The following ZFAND3 variants were observed in gnomAD, a reference collection of about 807,000 sequenced individuals.
The protein encoded by ZFAND3 is AN1-type zinc finger protein 3.
A neutral mutation model predicts 29.6 loss-of-function variants in ZFAND3; 10 were observed. The ratio of observed to expected loss-of-function variants is 0.34; its 90% CI spans 0.21 to 0.57. The LOEUF (loss-of-function observed/expected upper bound fraction) is 0.57. Among genes scored for constraint, ZFAND3 ranks in the 20% least tolerant of loss-of-function variants. The pLI is 0.86. For synonymous variants in ZFAND3, 128 were observed against 112.6 expected, an observed-to-expected ratio of 1.14 and a Z score of -0.87; for missense variants, 230 against 304.5, an observed-to-expected ratio of 0.76 and a Z score of 1.82.
chr6:37,887,526 A>C (rs1765017402), intron 1 of ZFAND3, among the ~76,000 whole-genome samples: 1 of 152,184 alleles, frequency 6.6e-6, no homozygotes, highest in Admixed American at 6.5e-5. Context: ...AAAAGAAAAA[A>C]ATCCACCCTA....
chr6:38,127,381 A>T (rs1017876753), intron 5 of ZFAND3, among the ~76,000 whole-genome samples: 3 of 152,212 alleles, frequency 2.0e-5, no homozygotes, highest in African/African-American at 7.2e-5. Flanking sequence ...GAGTTTTGCC[A>T]TCCCATAGAC....
intron 2 of ZFAND3, among the ~76,000 whole-genome samples, chr6:37,991,778 G>A (rs1034059854): frequency 1.9e-4 from 29 of 152,114 alleles, no homozygotes; most frequent in Admixed American, 8.5e-4. Flanking sequence ...GTTTTCTTAC[G>A]CTTTTACAGA....
intron 5 of ZFAND3, among the ~76,000 whole-genome samples, chr6:38,133,902 C>T (rs759230755): frequency 1.3e-5 from 2 of 152,174 alleles, no homozygotes; most frequent in African/African-American, 2.4e-5. Flanking sequence ...TTCATATCCC[C>T]AAGCTGGCCC....
chr6:37,917,174 A>G (rs1761275119), intron 1 of ZFAND3, among the ~76,000 whole-genome samples: 1 of 152,200 alleles, frequency 6.6e-6, no homozygotes, highest in South Asian at 2.1e-4. Context: ...CCATGATTTC[A>G]GGCTTCTGCT....
At chr6:38,080,615 A>T (rs575456429) in intron 3 of ZFAND3, among the ~76,000 whole-genome samples, 36 of 152,258 alleles carry the variant, frequency 2.4e-4, no homozygotes, top group African/African-American at 8.4e-4. Context: ...CTTATCCAAG[A>T]TTACTCAGCA....
chr6:37,948,427 T>C (rs1761938601), intron 2 of ZFAND3, among the ~76,000 whole-genome samples: 1 of 152,248 alleles, frequency 6.6e-6, no homozygotes, highest in Admixed American at 6.5e-5. Flanking sequence ...TTTTGGTTAA[T>C]GTTCACCTGG....
chr6:37,990,363 G>T (rs951923748), intron 2 of ZFAND3, among the ~76,000 whole-genome samples: 1 of 152,062 alleles, frequency 6.6e-6, no homozygotes, highest in Non-Finnish European at 1.5e-5. Context: ...TCAAGCCACA[G>T]TTTGCTTTCT....
At chr6:37,852,786 G>GCTC (rs1423222626) in intron 1 of ZFAND3, among the ~76,000 whole-genome samples, 2 of 150,768 alleles carry the variant, frequency 1.3e-5, no homozygotes, top group African/African-American at 4.9e-5. Flanking sequence ...CATGATCTCG[G>GCTC]CTCACTGCAA....
At chr6:37,938,711 G>T (rs1761748624) in intron 2 of ZFAND3, among the ~76,000 whole-genome samples, 1 of 152,128 alleles carries the variant, frequency 6.6e-6, no homozygotes, top group Non-Finnish European at 1.5e-5. Context: ...TTCTTAAATT[G>T]TGTGGTTAAT....
chr6:38,000,161 A>C (rs912787003), intron 2 of ZFAND3, among the ~76,000 whole-genome samples: 2 of 152,218 alleles, frequency 1.3e-5, no homozygotes, highest in African/African-American at 4.8e-5. Context: ...AAACAAACCA[A>C]AAAACTTACT....
chr6:37,828,107 G>T (rs1763792324), intron 1 of ZFAND3, among the ~76,000 whole-genome samples: 1 of 152,226 alleles, frequency 6.6e-6, no homozygotes, highest in Non-Finnish European at 1.5e-5. Context: ...ATAAGTTGAA[G>T]TGCAGTTGCA....
At chr6:37,910,053 A>G (rs954478432) in intron 1 of ZFAND3, among the ~76,000 whole-genome samples, 2 of 152,258 alleles carry the variant, frequency 1.3e-5, no homozygotes, top group African/African-American at 2.4e-5. Flanking sequence ...TTTGCATGTC[A>G]TCAACTGATT....
intron 5 of ZFAND3, among the ~76,000 whole-genome samples, chr6:38,138,467 G>C (rs537075873): frequency 2.0e-5 from 3 of 151,950 alleles, no homozygotes; most frequent in African/African-American, 7.3e-5. Flanking sequence ...GGAGGGGGAC[G>C]GCTTGGAGGG....
intron 2 of ZFAND3, among the ~76,000 whole-genome samples, chr6:37,936,070 C>T (rs1225679622): frequency 6.6e-6 from 1 of 152,072 alleles, no homozygotes; most frequent in Non-Finnish European, 1.5e-5. Context: ...TAGTTAGTAC[C>T]TAATTCATGA....
intron 1 of ZFAND3, among the ~76,000 whole-genome samples, chr6:37,929,702 A>C (rs1215154546): frequency 6.6e-6 from 1 of 152,154 alleles, no homozygotes; most frequent in East Asian, 1.9e-4. Context: ...AATAAATAAA[A>C]GCAAACATTG....
At chr6:37,977,851 C>CCTTCCTT (rs1762512127) in intron 2 of ZFAND3, among the ~76,000 whole-genome samples, 1 of 132,030 alleles carries the variant, frequency 7.6e-6, no homozygotes, top group Non-Finnish European at 1.6e-5. Flanking sequence ...TTCCTTCCTT[C>CCTTCCTT]CTTCCTTCCT....
intron 2 of ZFAND3, among the ~76,000 whole-genome samples, chr6:38,031,458 A>G (rs903976248): frequency 2.6e-5 from 4 of 152,102 alleles, no homozygotes; most frequent in Non-Finnish European, 5.9e-5. Context: ...GGAAACAACA[A>G]ACTCCCTTTA....
chr6:37,853,792 A>C (rs1437746605), intron 1 of ZFAND3, among the ~76,000 whole-genome samples: 1 of 152,206 alleles, frequency 6.6e-6, no homozygotes, highest in Non-Finnish European at 1.5e-5. Context: ...CACCTGAATA[A>C]ATAAGTAGAT....
chr6:38,095,209 T>G (rs1764953188), intron 4 of ZFAND3, among the ~76,000 whole-genome samples: 1 of 152,218 alleles, frequency 6.6e-6, no homozygotes, highest in African/African-American at 2.4e-5. Flanking sequence ...GTGAACTATT[T>G]AGAAAGCAAG....
Sources: allele counts gnomAD v4.1 joint callset (sites outside exome capture counted in the v4.1 genomes callset), GRCh38; gene constraint gnomAD v4.1.1; transcripts MANE v1.5; gene names NCBI Gene and HGNC (gene_info 2026-07-23, HGNC 2026-07-21).